The following ADGRV1 variants were observed in gnomAD, a reference collection of about 807,000 sequenced individuals.
The protein encoded by ADGRV1 is G-protein coupled receptor 98.
Under a neutral mutation model 596.2 loss-of-function variants are expected in ADGRV1, and 359 were observed. That is an observed-to-expected ratio of 0.60 (90% CI 0.55 to 0.66). The LOEUF (loss-of-function observed/expected upper bound fraction) is 0.66, where lower values mean the gene tolerates loss of function less well. Ranked by LOEUF, ADGRV1 falls within the 30% of genes least tolerant of loss-of-function variation. ADGRV1 has a pLI of 0.00. For missense variants in ADGRV1, 7,274 were observed against 7,575.6 expected (o/e 0.96, Z 1.48); for synonymous variants, 2,681 against 2,679.2 (o/e 1.00, Z -0.02).
chr5:90,878,416 G>T (rs1035059027), intron 83 of ADGRV1, among the ~76,000 whole-genome samples: 1 of 152,188 alleles, frequency 6.6e-6, no homozygotes, highest in African/African-American at 2.4e-5. Flanking sequence ...TTGAAGAAAA[G>T]ATTGTTTACC....
At chr5:90,869,032 T>C (rs1768411956) in intron 83 of ADGRV1, among the ~76,000 whole-genome samples, 1 of 152,116 alleles carries the variant, frequency 6.6e-6, no homozygotes, top group Non-Finnish European at 1.5e-5. Context: ...CCAAGCAAGA[T>C]GCATACATGC....
intron 83 of ADGRV1, among the ~76,000 whole-genome samples, chr5:90,915,745 C>T (rs757220432): frequency 7.9e-5 from 12 of 152,102 alleles, no homozygotes; most frequent in Non-Finnish European, 1.6e-4. Context: ...TAAGTTGGCA[C>T]GCTTCATCAT....
At chr5:90,573,842 G>GT (rs1756858763) in intron 1 of ADGRV1, among the ~76,000 whole-genome samples, 1 of 152,214 alleles carries the variant, frequency 6.6e-6, no homozygotes, top group Non-Finnish European at 1.5e-5. Context: ...ATTCATGTGT[G>GT]TGTGTGCACG....
rs1762354198 is a variant in ADGRV1, at chr5:90,810,655, GAA to G, written c.15396_15397del (p.Met5133GlyfsTer14). On this transcript the variant is annotated frameshift_variant, in exon 74 of 90. Transcript: ENST00000405460. LOFTEE classifies it high-confidence loss of function. ...ATATTGGATAATGATGACCTGGCAG[GAA>G]TGGATATTTCCTTCCCCGAGACAAC... is the stretch of plus-strand genomic sequence containing the variant. The G allele has an allele frequency of 6.2e-7, 1 of 1,613,762 alleles. No homozygotes were observed. The highest frequency in any genetic ancestry group is 1.1e-5 in the South Asian group (1 of 91,076).
At chr5:90,728,958 G>A (rs1752165899) in intron 49 of ADGRV1, 25 bp downstream of exon 49, 1 of 1,468,084 alleles carries the variant, frequency 6.8e-7, no homozygotes, top group Non-Finnish European at 9.3e-7. Context: ...TATTTGTAGT[G>A]TATATATAAT....
At chr5:90,652,620 A>G in intron 19 of ADGRV1, 57 bp downstream of exon 19, 8 of 1,110,658 alleles carry the variant, frequency 7.2e-6, no homozygotes, top group Non-Finnish European at 1.0e-5. Flanking sequence ...ACTAAATTTT[A>G]CATTTTATAC....
rs188388124 is a variant in ADGRV1 at position 90,670,717 on chromosome 5, T to C, written c.4753-1829T>C. On this transcript the variant is annotated intron_variant, in intron 21 of 89. Coordinates refer to ENST00000405460, the MANE Select transcript of ADGRV1 (RefSeq NM_032119.4). ...GATGTAGCAACTGGTGGTTGCTGAA[T>C]GTCCAAACAGCAAGCAGCAGAGACC... is the stretch of plus-strand genomic sequence containing the variant. Among the ~76,000 whole-genome samples, 124 of 152,232 alleles carry C rather than the reference T, an allele frequency of 8.1e-4. No individual in the cohort carries two copies. The East Asian group carries it at 9.3e-3, about 11-fold the overall frequency.
chr5:90,715,655 CTT>C (rs33954808), intron 42 of ADGRV1, among the ~76,000 whole-genome samples: 4,766 of 148,492 alleles, frequency 0.032, 234 homozygotes, highest in African/African-American at 0.11. Context: ...GTCTACTTTT[CTT>C]TTTTTTTTTT....
In ADGRV1 at chr5:90,840,978, T is replaced by C; in HGVS notation, c.17012T>C (p.Ile5671Thr). Residue 5671 changes from isoleucine (I) to threonine (T), a missense_variant, in exon 78 of 90, where the codon ATA becomes ACA. Physicochemically the swap from Ile to Thr is moderately conservative, Grantham distance 89. This residue lies in a region of ADGRV1 where 1,874 missense variants were observed against 1,970.2 expected (regional missense o/e 0.95). Transcript: ENST00000405460. ...DEQLSAMMHL[I>T]EKITTEGKIQ... The stretch of plus-strand genomic sequence containing the variant: ...CAACTCAGTGCCATGATGCATTTAA[T>C]AGAAAAGGTAAGTTTTTGTGAATAT... The C allele has an allele frequency of 7.2e-7, 1 of 1,391,548 alleles. No homozygotes were observed. Among genetic ancestry groups the C allele is most frequent in the South Asian group, 2.3e-5 (1 of 43,664 alleles). The allele number at this position is 1,391,548 out of a possible 1,614,324, so 86.2% of individuals were successfully genotyped here.
chr5:90,642,938 G>A lies in ADGRV1; in HGVS notation c.2450G>A (p.Arg817Lys). Residue 817 changes from arginine (R) to lysine (K), a missense_variant, in exon 13 of 90, where the codon AGA becomes AAA. Coordinates refer to ENST00000405460, the MANE Select transcript of ADGRV1 (RefSeq NM_032119.4). ...KQFLHYRVEP[R>K]DSNEFYGNTG... ...TTTCTACACTACCGAGTAGAGCCAA[G>A]AGATAGCAATGAATTCTATGGAAAC... 1.9e-6 allele frequency: 3 copies of A among 1,613,552 alleles called. No homozygotes were observed. The highest frequency in any genetic ancestry group is 2.5e-6 in the Non-Finnish European group (3 of 1,179,588).
chr5:90,964,625 T>G (rs1442966502), intron 83 of ADGRV1, among the ~76,000 whole-genome samples: 2 of 152,058 alleles, frequency 1.3e-5, no homozygotes, highest in African/African-American at 4.8e-5. Context: ...GTACCTATCA[T>G]GTGCCAGTCA....
intron 85 of ADGRV1, among the ~76,000 whole-genome samples, chr5:91,014,051 T>C (rs921294272): frequency 6.6e-6 from 1 of 151,604 alleles, no homozygotes; most frequent in Non-Finnish European, 1.5e-5. Flanking sequence ...CTCTATTTTG[T>C]TCCGTTGGTC....
chr5:91,059,203 C>A (rs931495907), intron 85 of ADGRV1, among the ~76,000 whole-genome samples: 2 of 152,160 alleles, frequency 1.3e-5, no homozygotes, highest in Non-Finnish European at 2.9e-5. Context: ...TTGGTTCTCA[C>A]TGCACTCTTG....
chr5:90,706,533 A>T (rs1047090500), intron 38 of ADGRV1, 139 bp downstream of exon 38: 1 of 688,374 alleles, frequency 1.5e-6, no homozygotes, highest in Non-Finnish European at 2.3e-6. Context: ...GGTGTGCTGC[A>T]CCCATTAACT....
chr5:91,145,017 C>G (rs1163645117), intron 87 of ADGRV1, among the ~76,000 whole-genome samples: 1 of 152,246 alleles, frequency 6.6e-6, no homozygotes, highest in Non-Finnish European at 1.5e-5. Flanking sequence ...GAAACCTCCA[C>G]AGCTGAGTAC....
rs879250689 is a variant in ADGRV1, at chr5:90,840,897, T to C, written c.16931T>C (p.Leu5644Pro). 5 of 1,589,816 alleles carry C rather than the reference T, an allele frequency of 3.1e-6. No homozygotes were observed. Among genetic ancestry groups the C allele is most frequent in the Non-Finnish European group, 4.3e-6 (5 of 1,165,956 alleles). ...CATCAGCCTGTGAATGATGATATTCTCAACAGAGTGCTCCATACCATCAGC... is the reference window on the plus strand; with the variant it reads ...CATCAGCCTGTGAATGATGATATTCCCAACAGAGTGCTCCATACCATCAGC... Reference protein sequence around the residue: ...QLHQPVNDDILNRVLHTISMK... With the variant: ...QLHQPVNDDIPNRVLHTISMK... The change falls in exon 78 of 90, where the codon CTC (leucine) becomes CCC (proline). Residue 5644 changes from leucine (L) to proline (P), a missense_variant. Around this residue, in one of 5 missense-constraint regions of ADGRV1, gnomAD observed 1,874 missense variants for 1,970.2 expected, o/e 0.95. Coordinates refer to ENST00000405460, the MANE Select transcript of ADGRV1 (RefSeq NM_032119.4).
chr5:90,755,317 T>C, intron 55 of ADGRV1, 132 bp downstream of exon 55: 1 of 609,754 alleles, frequency 1.6e-6, no homozygotes, highest in South Asian at 2.4e-5. Flanking sequence ...GTAAGTATTC[T>C]ACTGTTGCCA....
intron 89 of ADGRV1, among the ~76,000 whole-genome samples, chr5:91,157,600 G>A (rs1015284511): frequency 2.6e-5 from 4 of 152,034 alleles, no homozygotes; most frequent in Admixed American, 2.0e-4. Context: ...AACAGAACAT[G>A]TTTTTAAATT....
rs913229037 is a variant in ADGRV1 at position 90,674,108 on chromosome 5, C to T, written c.4984C>T (p.Arg1662Cys). Residue 1662 changes from arginine to cysteine, a missense_variant, in exon 23 of 90, where the codon CGT becomes TGT. Coordinates refer to ENST00000405460, the MANE Select transcript of ADGRV1 (RefSeq NM_032119.4). ...DDIPELNEYF[R>C]VTLVSAIPGD... ...TATTCCTGAACTTAATGAGTATTTC[C>T]GTGTGACATTGGTTTCTGCAATTCC... is the stretch of plus-strand genomic sequence containing the variant. 8.1e-6 allele frequency: 13 copies of T among 1,612,636 alleles called. No homozygotes were observed. Among genetic ancestry groups the T allele is most frequent in the East Asian group, 4.5e-5 (2 of 44,848 alleles).
Sources: allele counts gnomAD v4.1 joint callset (sites outside exome capture counted in the v4.1 genomes callset), GRCh38; gene constraint gnomAD v4.1.1; regional missense constraint gnomAD v4.1.1; transcripts MANE v1.5; gene names NCBI Gene and HGNC (gene_info 2026-07-23, HGNC 2026-07-21).